The following SGCD variants were observed in gnomAD, a reference collection of about 807,000 sequenced individuals.
SGCD encodes the protein sarcoglycan delta, also known as delta-sarcoglycan.
A neutral mutation model predicts 36.6 loss-of-function variants in SGCD; 18 were observed. The observed-to-expected ratio is 0.49, with a 90% CI of 0.34 to 0.73. SGCD has a LOEUF of 0.73. SGCD is among the 30% of genes least tolerant of loss of function. SGCD has a pLI of 0.01. For missense variants in SGCD, 387 were observed against 346.7 expected (o/e 1.12, Z -0.92); for synonymous variants, 133 against 130.6 (o/e 1.02, Z -0.12).
At chr5:156,609,285 A>T (rs563516098) in intron 6 of SGCD, among the ~76,000 whole-genome samples, 1 of 151,980 alleles carries the variant, frequency 6.6e-6, no homozygotes, top group Non-Finnish European at 1.5e-5. Context: ...AAAGTATTTT[A>T]TTTCTCCTTC....
chr5:156,301,799 T>C (rs1767060273), intron 3 of SGCD, among the ~76,000 whole-genome samples: 1 of 152,048 alleles, frequency 6.6e-6, no homozygotes, highest in South Asian at 2.1e-4. Context: ...AAAAGTTTTT[T>C]TTTTTTTTCC....
At chr5:156,206,077 C>G (rs1328586040) in intron 3 of SGCD, among the ~76,000 whole-genome samples, 2 of 149,988 alleles carry the variant, frequency 1.3e-5, no homozygotes, top group Non-Finnish European at 3.0e-5. Context: ...TGTAGACTTA[C>G]TCATATTTAG....
chr5:156,084,435 T>C (rs1369399352), intron 1 of SGCD, among the ~76,000 whole-genome samples: 1 of 152,200 alleles, frequency 6.6e-6, no homozygotes, highest in African/African-American at 2.4e-5. Context: ...TTTTTTGGTT[T>C]TGATCTTATA....
intron 7 of SGCD, among the ~76,000 whole-genome samples, chr5:156,650,432 C>T (rs1170142044): frequency 6.6e-6 from 1 of 152,046 alleles, no homozygotes; most frequent in Admixed American, 6.6e-5. Flanking sequence ...ACGAATGATC[C>T]GTCACCCAGG....
At chr5:156,408,215 A>G (rs1204097695) in intron 3 of SGCD, among the ~76,000 whole-genome samples, 1 of 152,164 alleles carries the variant, frequency 6.6e-6, no homozygotes, top group Non-Finnish European at 1.5e-5. Context: ...GCATTTTACA[A>G]GGGATAAGAG....
intron 3 of SGCD, among the ~76,000 whole-genome samples, chr5:156,345,551 G>A (rs190679390): frequency 6.6e-6 from 1 of 152,236 alleles, no homozygotes; most frequent in East Asian, 1.9e-4. Flanking sequence ...CCTAGGTCAG[G>A]CACATTGGCT....
At chr5:155,827,845 ATTT>A in the SGCD span, among the ~76,000 whole-genome samples, 3 of 124,904 alleles carry the variant, frequency 2.4e-5, no homozygotes, top group Non-Finnish European at 3.3e-5. Flanking sequence ...CACCTGGCTA[ATTT>A]TTTTTTTTTT....
intron 3 of SGCD, among the ~76,000 whole-genome samples, chr5:156,472,614 C>T (rs1755020854): frequency 6.6e-6 from 1 of 152,106 alleles, no homozygotes; most frequent in Admixed American, 6.6e-5. Flanking sequence ...AATGGGGTTT[C>T]ACCATGTTGA....
chr5:156,452,060 C>A (rs1043862412), intron 3 of SGCD, among the ~76,000 whole-genome samples: 4 of 152,124 alleles, frequency 2.6e-5, no homozygotes, highest in African/African-American at 9.7e-5. Flanking sequence ...GCATGGCAGG[C>A]AATCCATTCC....
chr5:156,236,014 A>G (rs1765149056), intron 3 of SGCD, among the ~76,000 whole-genome samples: 1 of 152,336 alleles, frequency 6.6e-6, no homozygotes, highest in South Asian at 2.1e-4. Context: ...ATGAAAAGAA[A>G]AGATATGCAT....
At chr5:156,685,520 C>T (rs1265221136) in intron 7 of SGCD, among the ~76,000 whole-genome samples, 1 of 152,172 alleles carries the variant, frequency 6.6e-6, no homozygotes, top group African/African-American at 2.4e-5. Flanking sequence ...GGGCCATCAG[C>T]AATCCTGATG....
chr5:155,832,495 T>G, the SGCD span, among the ~76,000 whole-genome samples: 1 of 152,184 alleles, frequency 6.6e-6, no homozygotes, highest in Non-Finnish European at 1.5e-5. Flanking sequence ...GGCTCCAGTC[T>G]ATTTTTCAGG....
At chr5:155,741,993 T>C in the SGCD span, among the ~76,000 whole-genome samples, 1 of 152,108 alleles carries the variant, frequency 6.6e-6, no homozygotes, top group Admixed American at 6.5e-5. Context: ...CCACCAGAAG[T>C]AGTTTTTCGG....
chr5:156,369,538 C>A (rs768796347), intron 3 of SGCD, among the ~76,000 whole-genome samples: 23 of 152,112 alleles, frequency 1.5e-4, no homozygotes, highest in Non-Finnish European at 2.6e-4. Flanking sequence ...ATTTGAAAGC[C>A]ATTAAAGGAG....
At chr5:155,883,526 G>A (rs1755932984) in intron 1 of SGCD, among the ~76,000 whole-genome samples, 1 of 152,132 alleles carries the variant, frequency 6.6e-6, no homozygotes, top group Non-Finnish European at 1.5e-5. Context: ...CCCCAAGAGA[G>A]AGATGGAAGA....
chr5:156,392,705 G>C (rs1280817808), intron 3 of SGCD, among the ~76,000 whole-genome samples: 1 of 152,184 alleles, frequency 6.6e-6, no homozygotes, highest in East Asian at 1.9e-4. Flanking sequence ...TATTCAGTGG[G>C]AGTAGCTCTC....
chr5:156,762,267 C>G lies in SGCD; in HGVS notation c.*2877C>G, dbSNP rs1042306144. 2 of 152,552 alleles carry G rather than the reference C, an allele frequency of 1.3e-5. No individual in the cohort carries two copies. The highest frequency in any genetic ancestry group is 4.8e-5 in the African/African-American group (2 of 41,418). The allele number at this position is 152,552 out of a possible 1,614,324, so 9.4% of individuals were successfully genotyped here. A position where few individuals can be genotyped will look rare whatever the true frequency, so the allele number is the denominator to read the frequency against. ...AGAATCCAAATGAACCTTCAATATA[C>G]TAGAAGTTCTAGTAGGTTAATATTG... is the stretch of plus-strand genomic sequence containing the variant. On this transcript the variant is annotated 3_prime_UTR_variant, in exon 9 of 9. Transcript: ENST00000337851.
chr5:156,596,336 C>A (rs1202896379), intron 6 of SGCD, among the ~76,000 whole-genome samples: 6 of 152,046 alleles, frequency 3.9e-5, no homozygotes, highest in African/African-American at 1.4e-4. Flanking sequence ...AGCTGTGTAA[C>A]CTTAAGCAAA....
the SGCD span, among the ~76,000 whole-genome samples, chr5:155,738,274 C>T: frequency 2.6e-5 from 4 of 152,110 alleles, no homozygotes; most frequent in Non-Finnish European, 5.9e-5. Flanking sequence ...GTTAAAAAGC[C>T]TAACAATACA....
Sources: allele counts gnomAD v4.1 joint callset (sites outside exome capture counted in the v4.1 genomes callset), GRCh38; gene constraint gnomAD v4.1.1; transcripts MANE v1.5; gene names NCBI Gene and HGNC (gene_info 2026-07-23, HGNC 2026-07-21).